GLS2: variants seen among roughly 807,000 people sequenced by gnomAD.
The protein encoded by GLS2 is glutaminase 2.
In GLS2, 52 loss-of-function variants were observed where a neutral mutation model predicts 79.0. That is an observed-to-expected ratio of 0.66 (90% CI 0.53 to 0.83). GLS2 has a LOEUF of 0.83. GLS2 is among the 40% of genes least tolerant of loss of function. The pLI is 0.00. For missense variants in GLS2, 561 were observed against 764.8 expected (o/e 0.73, Z 3.14); for synonymous variants, 238 against 280.8 (o/e 0.85, Z 1.52).
chr12:56,488,019 C>A lies in GLS2; in HGVS notation c.100G>T (p.Gly34Trp). 8 of 1,598,122 alleles carry A rather than the reference C, an allele frequency of 5.0e-6. No homozygotes were observed. Among genetic ancestry groups the A allele is most frequent in the African/African-American group, 1.3e-5 (1 of 74,936 alleles). The change falls in exon 1 of 18, where the codon GGG becomes TGG. Residue 34 changes from glycine (G) to tryptophan (W), a missense_variant. Coordinates refer to ENST00000311966, the MANE Select transcript of GLS2 (RefSeq NM_013267.4). ...GHPSRSPLLG[G>W]GVRHHLSEAA... ...TCACTGAGGTGGTGCCGGACGCCCCCGCCAAGGAGGGGGCTCCGGCTCGGG... is the reference window on the plus strand; with the variant it reads ...TCACTGAGGTGGTGCCGGACGCCCCAGCCAAGGAGGGGGCTCCGGCTCGGG...
intron 15 of GLS2, 103 bp from the exon 16 acceptor site, chr12:56,472,298 A>G (rs1387763265): frequency 9.8e-7 from 1 of 1,021,598 alleles, no homozygotes; most frequent in African/African-American, 1.6e-5. Flanking sequence ...GAGAAAGTGA[A>G]ACAGCCTATA....
At position 56,488,027 on chromosome 12, in the gene GLS2, A is replaced by C; in HGVS notation, c.92T>G (p.Leu31Arg). The C allele has an allele frequency of 6.3e-7, 1 of 1,595,358 alleles. No homozygotes were observed. Residue 31 changes from leucine (L) to arginine (R), a missense_variant, in exon 1 of 18, where the codon CTC becomes CGC. Physicochemically the swap from Leu to Arg is moderately radical, Grantham distance 102. This residue lies in a region of GLS2 where 161 missense variants were observed against 167.8 expected (regional missense o/e 0.96). Transcript: ENST00000311966. ...GTGGTGCCGGACGCCCCCGCCAAGG[A>C]GGGGGCTCCGGCTCGGGTGACCCCA... is the stretch of plus-strand genomic sequence containing the variant. ...GGWGHPSRSP[L>R]LGGGVRHHLS... is the part of the protein sequence containing the mutation.
At chr12:56,487,781 C>A (rs1445078395) in intron 1 of GLS2, among the ~76,000 whole-genome samples, 156 bp downstream of exon 1, 1 of 152,238 alleles carries the variant, frequency 6.6e-6, no homozygotes, top group Non-Finnish European at 1.5e-5. Flanking sequence ...GCGCGGCGCA[C>A]CCAAAGCCCC....
intron 7 of GLS2, 166 bp from the exon 8 acceptor site, chr12:56,476,143 A>C: frequency 1.6e-6 from 1 of 625,638 alleles, no homozygotes; most frequent in Admixed American, 2.8e-5. Flanking sequence ...CCGCACTTCC[A>C]TTGGCTCCTC....
chr12:56,483,538 A>G (rs963515576), intron 1 of GLS2, among the ~76,000 whole-genome samples: 1 of 152,200 alleles, frequency 6.6e-6, no homozygotes, highest in African/African-American at 2.4e-5. Context: ...TCTCTAAGAT[A>G]TAATATTAAC....
At chr12:56,484,369 T>C (rs1251329334) in intron 1 of GLS2, among the ~76,000 whole-genome samples, 2 of 152,230 alleles carry the variant, frequency 1.3e-5, no homozygotes, top group Admixed American at 1.3e-4. Flanking sequence ...TTTCACTATC[T>C]TTTGTATATT....
chr12:56,485,254 TAAAC>T (rs1870590448), intron 1 of GLS2, among the ~76,000 whole-genome samples: 2 of 152,152 alleles, frequency 1.3e-5, no homozygotes, highest in Non-Finnish European at 2.9e-5. Flanking sequence ...TTTTAAGTAA[TAAAC>T]TTATTTATTT....
In GLS2 at chr12:56,487,974, C is replaced by G. The variant is rs1870827287; in HGVS notation, c.145G>C (p.Glu49Gln). 5 of 1,602,670 alleles carry G rather than the reference C, an allele frequency of 3.1e-6. No homozygotes were observed. The highest frequency in any genetic ancestry group is 4.2e-6 in the Non-Finnish European group (5 of 1,179,686). The change falls in exon 1 of 18, where the codon GAG (glutamate) becomes CAG (glutamine). Residue 49 changes from glutamate (E) to glutamine (Q), a missense_variant. Physicochemically the swap from Glu to Gln is conservative, Grantham distance 29 (BLOSUM62 2). This residue lies in a region of GLS2 where 161 missense variants were observed against 167.8 expected (regional missense o/e 0.96). Coordinates refer to ENST00000311966, the MANE Select transcript of GLS2 (RefSeq NM_013267.4). Reference sequence around the variant, plus strand: ...TGCGGCTGGTGGCTGTGTGGCGTCTCTCTGCCCTGCGCCGCGGCCTCACTG... The same window carrying G: ...TGCGGCTGGTGGCTGTGTGGCGTCTGTCTGCCCTGCGCCGCGGCCTCACTG... ...HLSEAAAQGRETPHSHQPQHQ... is the reference protein window; with the variant it reads ...HLSEAAAQGRQTPHSHQPQHQ...
intron 1 of GLS2, among the ~76,000 whole-genome samples, chr12:56,484,679 G>A (rs929031925): frequency 2.0e-5 from 3 of 152,166 alleles, no homozygotes; most frequent in African/African-American, 4.8e-5. Flanking sequence ...AGGAAATAAT[G>A]CTATACCACT....
In GLS2 at chr12:56,472,158, A is replaced by G; in HGVS notation, c.1549T>C (p.Tyr517His). The change falls in exon 16 of 18, where the codon TAT becomes CAT. Residue 517 changes from tyrosine to histidine, a missense_variant. By Grantham distance (83) the Tyr-to-His change is moderately conservative. Coordinates refer to ENST00000311966, the MANE Select transcript of GLS2 (RefSeq NM_013267.4). Reference sequence around the variant, plus strand: ...ACATGCAGAGCTGTGCGCGAGTCATAGTCTTTCTGTTCCATATCCATGGCT... The same window carrying G: ...ACATGCAGAGCTGTGCGCGAGTCATGGTCTTTCTGTTCCATATCCATGGCT... ...LSAMDMEQKD[Y>H]DSRTALHVAA... 6.2e-7 allele frequency: 1 copy of G among 1,614,168 alleles called. No homozygotes were observed. The highest frequency in any genetic ancestry group is 1.7e-5 in the Admixed American group (1 of 60,006).
chr12:56,471,401 C>A lies in GLS2; in HGVS notation c.*86G>T. 2.4e-5 allele frequency: 33 copies of A among 1,397,996 alleles called. No homozygotes were observed. Among genetic ancestry groups the A allele is most frequent in the Admixed American group, 1.4e-4 (6 of 44,298 alleles). 86.6% of individuals were successfully genotyped at this position (1,397,996 alleles called of 1,614,324 possible). A position where few individuals can be genotyped will look rare whatever the true frequency, so the allele number is the denominator to read the frequency against. On this transcript the variant is annotated 3_prime_UTR_variant, in exon 18 of 18. Coordinates refer to ENST00000311966, the MANE Select transcript of GLS2 (RefSeq NM_013267.4). ...CTTGGTCCCCACTGAAGCAGTGTAG[C>A]TCTCCATAGTATTTTTGGTGGTTAT...
chr12:56,478,675 C>T (rs2136188585), intron 4 of GLS2: 1 of 259,158 alleles, frequency 3.9e-6, no homozygotes, highest in Non-Finnish European at 7.5e-6. Flanking sequence ...ATTCATAGGA[C>T]TCCCAGCCCC....
chr12:56,474,492 C>G, intron 12 of GLS2, 52 bp downstream of exon 12: 1 of 1,605,700 alleles, frequency 6.2e-7, no homozygotes, highest in Non-Finnish European at 8.5e-7. Context: ...TCAGTGTTCT[C>G]TCTTCTTAGC....
Position 56,487,945 on chromosome 12 carries a change from G to A in GLS2, c.174C>T (p.His58=). The A allele has an allele frequency of 6.2e-7, 1 of 1,603,178 alleles. No homozygotes were observed. The change falls in exon 1 of 18, where the codon CAC becomes CAT. Residue 58 remains histidine, a synonymous_variant. Coordinates refer to ENST00000311966, the MANE Select transcript of GLS2 (RefSeq NM_013267.4). ...RETPHSHQPQ[H]QDHDSSESGM... The stretch of plus-strand genomic sequence containing the variant: ...TGTCCCAGGAGCCTTACTGATCCTG[G>A]TGCTGCGGCTGGTGGCTGTGTGGCG...
At chr12:56,487,725 C>T in intron 1 of GLS2, 1 of 597,890 alleles carries the variant, frequency 1.7e-6, no homozygotes, top group Non-Finnish European at 2.8e-6. Context: ...CCCCAGGACC[C>T]GCTTGCCCGA....
At position 56,477,939 on chromosome 12, in the gene GLS2, C is replaced by T. The variant is rs1334790436; in HGVS notation, c.772G>A (p.Glu258Lys). The T allele has an allele frequency of 1.2e-6, 2 of 1,612,550 alleles. No homozygotes were observed. The highest frequency in any genetic ancestry group is 1.7e-6 in the Non-Finnish European group (2 of 1,179,120). The change falls in exon 6 of 18, where the codon GAG becomes AAG. Residue 258 changes from glutamate (E) to lysine (K), a missense_variant. Transcript: ENST00000311966. ...GAGCCTTGGTAGTGCTCACCTTCCTCATTGAGGGAGAGCTTGTTGTAGCGC... is the reference window on the plus strand; with the variant it reads ...GAGCCTTGGTAGTGCTCACCTTCCTTATTGAGGGAGAGCTTGTTGTAGCGC... ...GLRYNKLSLN[E>K]EGIPHNPMVN...
intron 1 of GLS2, 68 bp downstream of exon 1, chr12:56,487,869 G>A: frequency 6.6e-7 from 1 of 1,516,328 alleles, no homozygotes; most frequent in East Asian, 2.4e-5. Flanking sequence ...AAGGGCACTC[G>A]GGAACTAGCG....
At chr12:56,474,523 A>G in intron 12 of GLS2, 21 bp downstream of exon 12, 1 of 1,613,166 alleles carries the variant, frequency 6.2e-7, no homozygotes, top group Non-Finnish European at 8.5e-7. Context: ...TGACAGATGG[A>G]TAGCAGAGCC....
At chr12:56,476,209 C>G (rs1869801356) in intron 7 of GLS2, 1 of 475,856 alleles carries the variant, frequency 2.1e-6, no homozygotes, top group East Asian at 4.0e-5. Context: ...GTCACCCAGG[C>G]TGGAGTGCAG....
Sources: gnomAD v4.1 joint callset for allele counts (sites outside exome capture counted in the v4.1 genomes callset) on GRCh38, gnomAD v4.1.1 for gene constraint, gnomAD v4.1.1 regional missense constraint, MANE v1.5 for transcripts, NCBI Gene and HGNC (gene_info 2026-07-23, HGNC 2026-07-21) for gene names.